The following RFX7 variants were observed in gnomAD, a reference collection of about 807,000 sequenced individuals.
RFX7 encodes the protein regulatory factor X7.
RFX7 carries 26 observed loss-of-function variants against 111.8 expected under a neutral mutation model. That is an observed-to-expected ratio of 0.23 (90% CI 0.17 to 0.32). The LOEUF (loss-of-function observed/expected upper bound fraction) is 0.32, where lower values mean the gene tolerates loss of function less well. Among genes scored for constraint, RFX7 ranks in the 10% least tolerant of loss-of-function variants. The probability of loss-of-function intolerance (pLI) is 1.00; values close to 1 mark genes in which losing one functional copy is unlikely to be tolerated. For missense variants in RFX7, 1,573 were observed against 1,772.9 expected (o/e 0.89, Z 2.02); for synonymous variants, 624 against 624.4 (o/e 1.00, Z 0.01).
At chr15:56,150,917 G>C (rs2042560695) in intron 3 of RFX7, among the ~76,000 whole-genome samples, 1 of 151,896 alleles carries the variant, frequency 6.6e-6, no homozygotes, top group African/African-American at 2.4e-5. Flanking sequence ...ACTTCGTGTA[G>C]CATACACAAG....
chr15:56,171,914 T>C (rs1042357298), intron 3 of RFX7, among the ~76,000 whole-genome samples: 1 of 152,138 alleles, frequency 6.6e-6, no homozygotes, highest in African/African-American at 2.4e-5. Flanking sequence ...ATGAGACTAA[T>C]TGAAACCATC....
intron 2 of RFX7, among the ~76,000 whole-genome samples, chr15:56,210,527 G>A (rs1480304313): frequency 1.3e-5 from 2 of 151,948 alleles, no homozygotes; most frequent in Non-Finnish European, 2.9e-5. Context: ...AGCTCACATG[G>A]AACATTCACC....
intron 2 of RFX7, among the ~76,000 whole-genome samples, chr15:56,204,979 C>A (rs2043235795): frequency 6.6e-6 from 1 of 152,132 alleles, no homozygotes; most frequent in African/African-American, 2.4e-5. Context: ...CAAAAGGCAC[C>A]TGAATGCCTA....
chr15:56,212,821 T>A (rs954357047), intron 2 of RFX7, among the ~76,000 whole-genome samples: 1 of 152,048 alleles, frequency 6.6e-6, no homozygotes. Context: ...GCAATCAAAT[T>A]AGAATGTATG....
intron 5 of RFX7, among the ~76,000 whole-genome samples, chr15:56,111,444 A>G (rs1164238185): frequency 2.0e-5 from 3 of 151,260 alleles, no homozygotes; most frequent in African/African-American, 7.3e-5. Flanking sequence ...AGACGCTTGA[A>G]GGCAGCATGC....
intron 3 of RFX7, among the ~76,000 whole-genome samples, chr15:56,157,138 A>G (rs1310245364): frequency 2.0e-5 from 3 of 152,210 alleles, no homozygotes; most frequent in African/African-American, 7.2e-5. Context: ...AAGTGCTGCT[A>G]ATATCTTCTC....
At chr15:56,197,757 T>C (rs750826724) in intron 2 of RFX7, among the ~76,000 whole-genome samples, 2 of 152,110 alleles carry the variant, frequency 1.3e-5, no homozygotes, top group African/African-American at 4.8e-5. Context: ...ATACAAACTA[T>C]ATATTTGAAC....
At chr15:56,103,812 C>CCAAAGAGTGATGA in intron 5 of RFX7, 142 bp from the exon 6 acceptor site, 1 of 600,230 alleles carries the variant, frequency 1.7e-6, no homozygotes, top group Non-Finnish European at 2.9e-6. Flanking sequence ...ATGATCATCA[C>CCAAAGAGTGATGA]TCTTTGGTGA....
At chr15:56,119,270 T>G (rs1002946340) in intron 5 of RFX7, among the ~76,000 whole-genome samples, 2 of 152,210 alleles carry the variant, frequency 1.3e-5, no homozygotes, top group Admixed American at 1.3e-4. Context: ...CACAGTGCAA[T>G]GTCCTGGAGT....
At chr15:56,232,675 G>A (rs2043577116) in intron 2 of RFX7, among the ~76,000 whole-genome samples, 1 of 152,146 alleles carries the variant, frequency 6.6e-6, no homozygotes, top group Non-Finnish European at 1.5e-5. Flanking sequence ...GCTTTTAACA[G>A]CACCCAAGTC....
chr15:56,174,038 G>A (rs1217454041), intron 3 of RFX7, among the ~76,000 whole-genome samples: 3 of 152,128 alleles, frequency 2.0e-5, no homozygotes, highest in African/African-American at 7.2e-5. Context: ...AGCACTTTGG[G>A]AGGCTGAGGT....
rs534298495 is a variant in RFX7, at chr15:56,112,541, C to T, written c.402-8871G>A. Among the ~76,000 whole-genome samples, 81 of 152,230 alleles carry T rather than the reference C, an allele frequency of 5.3e-4. 1 individual carries two copies. Among genetic ancestry groups the T allele is most frequent in the South Asian group, 1.9e-3 (9 of 4,820 alleles). ...AAAGACTTAAATGTAAAACCCAAAA[C>T]CATAAAAATCCTAGAAGAAAATCTA... On this transcript the variant is annotated intron_variant, in intron 5 of 9. Transcript: ENST00000559447.
intron 5 of RFX7, among the ~76,000 whole-genome samples, chr15:56,135,882 C>G (rs183006049): frequency 4.6e-5 from 7 of 152,234 alleles, no homozygotes; most frequent in African/African-American, 1.4e-4. Context: ...AATCCTTTCC[C>G]CATTGCTTGT....
At chr15:56,203,140 A>G (rs1230965444) in intron 2 of RFX7, among the ~76,000 whole-genome samples, 1 of 152,230 alleles carries the variant, frequency 6.6e-6, no homozygotes, top group Non-Finnish European at 1.5e-5. Context: ...GGATTATAAT[A>G]GAACATGGGC....
Position 56,088,838 on chromosome 15 carries a change from T to G in RFX7, c.*4507A>C, listed in dbSNP as rs934918447. Reference sequence around the variant, plus strand: ...AGTTAACAGTTAGCACCAGTAAACTTAGTTCGGCAGATTTCAAATTCTTAT... The same window carrying G: ...AGTTAACAGTTAGCACCAGTAAACTGAGTTCGGCAGATTTCAAATTCTTAT... On this transcript the variant is annotated 3_prime_UTR_variant, in exon 10 of 10. Coordinates refer to ENST00000559447, the MANE Select transcript of RFX7 (RefSeq NM_022841.7). The G allele has an allele frequency of 2.3e-4, 35 of 152,192 alleles. No homozygotes were observed. Among genetic ancestry groups the G allele is most frequent in the African/African-American group, 8.4e-4 (35 of 41,448 alleles). 9.4% of individuals were successfully genotyped at this position (152,192 alleles called of 1,614,324 possible).
At chr15:56,138,659 T>C (rs1477059525) in intron 5 of RFX7, among the ~76,000 whole-genome samples, 1 of 152,194 alleles carries the variant, frequency 6.6e-6, no homozygotes, top group African/African-American at 2.4e-5. Context: ...CCTGTCATTA[T>C]GATGTTAGCT....
chr15:56,094,865 T>G lies in RFX7; in HGVS notation c.2863A>C (p.Thr955Pro). The change falls in exon 10 of 10, where the codon ACT becomes CCT. Residue 955 changes from threonine to proline, a missense_variant. Coordinates refer to ENST00000559447, the MANE Select transcript of RFX7 (RefSeq NM_022841.7). ...GTTGGGGTTGGGGTTGGAGTAGGAG[T>G]GGGTGTGGGTGTGGGTGTGGGTGTG... is the stretch of plus-strand genomic sequence containing the variant. ...IHTPTPTPTP[T>P]PTPTPTPTPT... 2 of 1,525,888 alleles carry G rather than the reference T, an allele frequency of 1.3e-6. No homozygotes were observed. Among genetic ancestry groups the G allele is most frequent in the Non-Finnish European group, 1.8e-6 (2 of 1,132,520 alleles). 94.5% of individuals were successfully genotyped at this position (1,525,888 alleles called of 1,614,324 possible). A position where few individuals can be genotyped will look rare whatever the true frequency, so the allele number is the denominator to read the frequency against.
intron 3 of RFX7, among the ~76,000 whole-genome samples, chr15:56,165,005 T>C (rs1372273284): frequency 1.3e-5 from 2 of 152,164 alleles, no homozygotes; most frequent in Non-Finnish European, 2.9e-5. Flanking sequence ...GTGGGGATTA[T>C]GGGGATGGTT....
chr15:56,191,840 T>C (rs2043103448), intron 2 of RFX7, among the ~76,000 whole-genome samples: 2 of 152,114 alleles, frequency 1.3e-5, no homozygotes, highest in South Asian at 4.1e-4. Flanking sequence ...TATAACATCT[T>C]ATGTTGTGCC....
Sources: allele counts gnomAD v4.1 joint callset (sites outside exome capture counted in the v4.1 genomes callset), GRCh38; gene constraint gnomAD v4.1.1; transcripts MANE v1.5; gene names NCBI Gene and HGNC (gene_info 2026-07-23, HGNC 2026-07-21).